COL4A3: variants seen among roughly 807,000 people sequenced by gnomAD.
COL4A3 encodes collagen alpha-3(IV) chain.
In COL4A3, 135 loss-of-function variants were observed where a neutral mutation model predicts 217.4. The observed-to-expected ratio is 0.62, with a 90% CI of 0.54 to 0.72. COL4A3 has a LOEUF of 0.72. Ranked by LOEUF, COL4A3 falls within the 30% of genes least tolerant of loss-of-function variation. COL4A3 has a pLI of 0.00. For missense variants in COL4A3, 1,868 were observed against 2,119.9 expected, an observed-to-expected ratio of 0.88 and a Z score of 2.33; for synonymous variants, 690 against 736.3, an observed-to-expected ratio of 0.94 and a Z score of 1.02.
At chr2:227,246,224 A>C in intron 6 of COL4A3, 1 of 602,912 alleles carries the variant, frequency 1.7e-6, no homozygotes, top group East Asian at 2.9e-5. Flanking sequence ...GTTCTCCCAC[A>C]GAAAGAAAAC....
intron 1 of COL4A3, among the ~76,000 whole-genome samples, chr2:227,232,798 A>G (rs9288622): frequency 0.32 from 48,729 of 152,054 alleles, 8,245 homozygotes; most frequent in Non-Finnish European, 0.36. Flanking sequence ...TAAATATTAA[A>G]TAAATAAGTG....
rs577537446 is a variant in COL4A3 at position 227,194,389 on chromosome 2, T to C, written c.87+29576T>C. ...ATGAGGGCTGAGGGGTGAGGGGCTG[T>C]GAGGGAGGGACCAGGTGCTCAAGGT... On this transcript the variant is annotated intron_variant, in intron 1 of 51. Transcript: ENST00000396578. Among the ~76,000 whole-genome samples the C allele has an allele frequency of 3.4e-4, 52 of 151,762 alleles. 1 individual carries two copies. The highest frequency in any genetic ancestry group is 3.1e-3 in the Admixed American group (48 of 15,248).
chr2:227,257,053 T>C (rs1325966152), intron 17 of COL4A3, among the ~76,000 whole-genome samples: 1 of 152,206 alleles, frequency 6.6e-6, no homozygotes, highest in African/African-American at 2.4e-5. Context: ...ATAGAAAATA[T>C]GTAGTAAAAA....
In COL4A3 at chr2:227,280,587, C is replaced by T. The variant is rs1060499654; in HGVS notation, c.2371C>T (p.Arg791Ter). The T allele has an allele frequency of 3.7e-6, 6 of 1,613,900 alleles. No individual in the cohort carries two copies. The highest frequency in any genetic ancestry group is 1.1e-5 in the South Asian group (1 of 91,076). ...AGGAAATGAAGGGCTTGATGGACCA[C>T]GAGGTACAATAGCAAGTGTCATTAC... ...TPGNEGLDGP[R>*]GDPGQPGPPG... Residue 791 changes from arginine to a stop codon, truncating the protein, a stop_gained, in exon 30 of 52, where the codon CGA becomes TGA. Transcript: ENST00000396578. LOFTEE classifies it high-confidence loss of function.
intron 5 of COL4A3, 128 bp downstream of exon 5, chr2:227,245,123 GATGGT>G: frequency 1.2e-6 from 1 of 864,808 alleles, no homozygotes; most frequent in South Asian, 1.4e-5. Context: ...AGCACCTTAG[GATGGT>G]ATATTATACT....
chr2:227,246,546 T>A, intron 6 of COL4A3, 139 bp from the exon 7 acceptor site: 1 of 716,256 alleles, frequency 1.4e-6, no homozygotes. Flanking sequence ...TTCAGCCTCA[T>A]GACCCAGTAG....
chr2:227,293,847 G>A (rs535433037), intron 38 of COL4A3: 8 of 462,520 alleles, frequency 1.7e-5, no homozygotes, highest in East Asian at 1.4e-4. Context: ...TGTTTTCCAA[G>A]TGTCTGAATC....
intron 17 of COL4A3, among the ~76,000 whole-genome samples, chr2:227,256,892 A>T (rs1177658039): frequency 6.6e-6 from 1 of 152,208 alleles, no homozygotes; most frequent in Non-Finnish European, 1.5e-5. Flanking sequence ...TCATTAGGTG[A>T]TTCTGTCATT....
intron 1 of COL4A3, among the ~76,000 whole-genome samples, chr2:227,171,571 C>T (rs1442768954): frequency 6.6e-6 from 1 of 152,174 alleles, no homozygotes; most frequent in Non-Finnish European, 1.5e-5. Flanking sequence ...GGGCTGCCAT[C>T]ACAAAATACC....
chr2:227,220,177 A>G, intron 1 of COL4A3, among the ~76,000 whole-genome samples: 1 of 120,308 alleles, frequency 8.3e-6, no homozygotes, highest in African/African-American at 3.1e-5. Context: ...TCAGAGACAA[A>G]GCCTTTTTTT....
chr2:227,253,608 T>C lies in COL4A3; in HGVS notation c.735T>C (p.Ile245=), dbSNP rs2069934784. Residue 245 remains isoleucine, a synonymous_variant, in exon 13 of 52, where the codon ATT becomes ATC. Transcript: ENST00000396578. The surrounding 1 kb of genome is among the most constrained non-coding windows in gnomAD (Gnocchi z 4.4). ...TGPPGPPGTV[I]VTLTGPDNRT... The stretch of plus-strand genomic sequence containing the variant: ...CCCCGGGACCACCAGGAACAGTTAT[T>C]GTGACCCTAACTGGCCCAGATAACA... The C allele has an allele frequency of 1.2e-6, 2 of 1,614,004 alleles. No homozygotes were observed. Among genetic ancestry groups the C allele is most frequent in the Non-Finnish European group, 1.7e-6 (2 of 1,179,970 alleles).
At chr2:227,296,097 A>G (rs1267380837) in intron 41 of COL4A3, among the ~76,000 whole-genome samples, 1 of 152,224 alleles carries the variant, frequency 6.6e-6, no homozygotes, top group African/African-American at 2.4e-5. Flanking sequence ...CTGGATGCCA[A>G]TGAGAAACTC....
At chr2:227,297,892 A>G (rs1180532913) in intron 42 of COL4A3, 33 bp downstream of exon 42, 4 of 1,550,642 alleles carry the variant, frequency 2.6e-6, no homozygotes, top group Non-Finnish European at 3.5e-6. Flanking sequence ...GCATAAAATA[A>G]CAAAAATCAT....
intron 1 of COL4A3, among the ~76,000 whole-genome samples, chr2:227,212,698 C>G (rs2067374640): frequency 6.6e-6 from 1 of 152,160 alleles, no homozygotes; most frequent in Non-Finnish European, 1.5e-5. Context: ...GGGCAAGCTC[C>G]CTCCTGGGTC....
chr2:227,286,592 A>G (rs530276871), intron 34 of COL4A3, among the ~76,000 whole-genome samples: 11 of 152,338 alleles, frequency 7.2e-5, no homozygotes, highest in South Asian at 2.1e-4. Flanking sequence ...TACTTGCCCA[A>G]TGACACTCTG....
At chr2:227,222,237 G>GC (rs1384305899) in intron 1 of COL4A3, 5 of 151,824 alleles carry the variant, frequency 3.3e-5, no homozygotes, top group Middle Eastern at 3.4e-3. Flanking sequence ...CAGTCCTTCA[G>GC]CCCCCTGCCC....
intron 20 of COL4A3, among the ~76,000 whole-genome samples, chr2:227,262,298 T>TA (rs964907039): frequency 8.6e-5 from 13 of 151,728 alleles, no homozygotes; most frequent in Non-Finnish European, 1.3e-4. Flanking sequence ...GGCCCCTAAG[T>TA]AAAAAAAACA....
At chr2:227,226,895 G>A (rs2068124903) in intron 1 of COL4A3, among the ~76,000 whole-genome samples, 1 of 152,204 alleles carries the variant, frequency 6.6e-6, no homozygotes. Flanking sequence ...GGCTTTGCAA[G>A]CCAAGAGGCA....
chr2:227,238,630 C>T (rs1177365373), intron 2 of COL4A3, among the ~76,000 whole-genome samples: 2 of 152,106 alleles, frequency 1.3e-5, no homozygotes, highest in Non-Finnish European at 2.9e-5. Context: ...CTTTGTTTAC[C>T]AAACCCTTTC....
Sources: gnomAD v4.1 joint callset for allele counts (sites outside exome capture counted in the v4.1 genomes callset) on GRCh38, gnomAD v4.1.1 for gene constraint, Gnocchi (gnomAD v3.1) non-coding constraint, MANE v1.5 for transcripts, NCBI Gene and HGNC (gene_info 2026-07-23, HGNC 2026-07-21) for gene names.